Variants in NBAS observed in about 807,000 individuals in gnomAD.
NBAS encodes NAG/BC035112 fusion.
NBAS carries 219 observed loss-of-function variants against 302.5 expected under a neutral mutation model. The ratio of observed to expected loss-of-function variants is 0.72; its 90% CI spans 0.65 to 0.81. The LOEUF is 0.81. Ranked by LOEUF, NBAS falls within the 30% of genes least tolerant of loss-of-function variation. The pLI is 0.00. For missense variants in NBAS, 2,932 were observed against 2,841.6 expected, an observed-to-expected ratio of 1.03 and a Z score of -0.72; for synonymous variants, 1,118 against 1,021.6, an observed-to-expected ratio of 1.09 and a Z score of -1.80.
the NBAS span, among the ~76,000 whole-genome samples, chr2:14,882,071 C>T: frequency 6.6e-6 from 1 of 152,134 alleles, no homozygotes; most frequent in Non-Finnish European, 1.5e-5. Context: ...TGGATTATTA[C>T]TCTCTCCATT....
intron 48 of NBAS, among the ~76,000 whole-genome samples, chr2:15,206,677 G>C (rs865975554): frequency 6.6e-6 from 1 of 152,186 alleles, no homozygotes; most frequent in African/African-American, 2.4e-5. Flanking sequence ...AGCCACTCAG[G>C]CTCCAGCTGT....
At position 15,460,782 on chromosome 2, in the gene NBAS, G is replaced by T. The variant is rs114924231; in HGVS notation, c.2339+419C>A. 6.1e-3 allele frequency among the ~76,000 whole-genome samples: 929 copies of T among 152,302 alleles called. 11 individuals are homozygous for T. Among genetic ancestry groups the T allele is most frequent in the African/African-American group, 0.02 (831 of 41,572 alleles). ...TTTCCCATTTGTCTTTGTGCCTGTGGAATTTCCTATGAAGAAAGGGTTGCT... is the reference window on the plus strand; with the variant it reads ...TTTCCCATTTGTCTTTGTGCCTGTGTAATTTCCTATGAAGAAAGGGTTGCT... On this transcript the variant is annotated intron_variant, in intron 21 of 51. Coordinates refer to ENST00000281513, the MANE Select transcript of NBAS (RefSeq NM_015909.4).
At chr2:15,353,808 C>T (rs1200687563) in intron 33 of NBAS, 98 bp from the exon 34 acceptor site, 2 of 1,451,248 alleles carry the variant, frequency 1.4e-6, no homozygotes, top group African/African-American at 2.8e-5. Flanking sequence ...TCTTGTGGTA[C>T]CAAAGCAAAA....
the NBAS span, among the ~76,000 whole-genome samples, chr2:15,139,951 GA>G: frequency 6.6e-6 from 1 of 152,162 alleles, no homozygotes; most frequent in Non-Finnish European, 1.5e-5. Context: ...TCTTCCCACA[GA>G]GAGGTGAAGT....
chr2:14,808,467 C>G, the NBAS span, among the ~76,000 whole-genome samples: 1 of 152,164 alleles, frequency 6.6e-6, no homozygotes, highest in African/African-American at 2.4e-5. Flanking sequence ...CCATCCTATT[C>G]TCATGATAGT....
intron 48 of NBAS, among the ~76,000 whole-genome samples, chr2:15,213,523 T>C (rs1305592408): frequency 1.3e-5 from 2 of 152,202 alleles, no homozygotes; most frequent in African/African-American, 4.8e-5. Context: ...TCCAATGCTA[T>C]TCAAATATCA....
the NBAS span, among the ~76,000 whole-genome samples, chr2:14,812,160 G>T: frequency 1.3e-5 from 2 of 152,188 alleles, no homozygotes; most frequent in Non-Finnish European, 2.9e-5. Flanking sequence ...AGGGGCCTCA[G>T]CTTCCTGGAG....
chr2:15,517,015 T>A (rs969374425), intron 9 of NBAS, among the ~76,000 whole-genome samples: 6 of 152,112 alleles, frequency 3.9e-5, no homozygotes, highest in African/African-American at 1.4e-4. Flanking sequence ...CTTGACAATA[T>A]CAAATAAATG....
the NBAS span, among the ~76,000 whole-genome samples, chr2:14,913,684 C>T: frequency 2.6e-5 from 4 of 152,072 alleles, no homozygotes; most frequent in Non-Finnish European, 5.9e-5. Context: ...GGGCAAAGGG[C>T]ATCAGGCAGG....
At chr2:15,461,443 G>T in intron 20 of NBAS, 106 bp from the exon 21 acceptor site, 1 of 1,153,116 alleles carries the variant, frequency 8.7e-7, no homozygotes, top group Non-Finnish European at 1.3e-6. Flanking sequence ...GCTCTGATAT[G>T]AAACACCTTG....
intron 25 of NBAS, among the ~76,000 whole-genome samples, chr2:15,407,841 C>T (rs1475356925): frequency 2.6e-5 from 4 of 152,162 alleles, no homozygotes; most frequent in Non-Finnish European, 4.4e-5. Context: ...CCAAAATGGA[C>T]CTGACTGAGC....
chr2:15,435,594 T>C (rs536814204), intron 21 of NBAS, among the ~76,000 whole-genome samples: 2 of 152,314 alleles, frequency 1.3e-5, no homozygotes, highest in Admixed American at 1.3e-4. Flanking sequence ...CAGCTGGAAT[T>C]TGAACCCAGG....
chr2:15,476,908 G>C (rs925369414), intron 13 of NBAS, among the ~76,000 whole-genome samples: 2 of 152,152 alleles, frequency 1.3e-5, no homozygotes, highest in Non-Finnish European at 2.9e-5. Context: ...TAAGAAGAGA[G>C]AGATTTTAAA....
At position 15,504,164 on chromosome 2, in the gene NBAS, C is replaced by A. The variant is rs773392215; in HGVS notation, c.935G>T (p.Ser312Ile). 1 of 1,613,516 alleles carries A rather than the reference C, an allele frequency of 6.2e-7. No individual in the cohort carries two copies. The highest frequency in any genetic ancestry group is 1.1e-5 in the South Asian group (1 of 91,070). ...TGTTACCTGTTCTTGTCCCTGGCGA[C>A]TGTAAAACTTGACACTTAACATCCT... ...LLRMLSVKFYSRQGQEQDGIF... is the reference protein window; with the variant it reads ...LLRMLSVKFYIRQGQEQDGIF... The change falls in exon 11 of 52, where the codon AGT (serine) becomes ATT (isoleucine). Residue 312 changes from serine to isoleucine, a missense_variant. Physicochemically the swap from Ser to Ile is moderately radical, Grantham distance 142. Coordinates refer to ENST00000281513, the MANE Select transcript of NBAS (RefSeq NM_015909.4).
intron 34 of NBAS, among the ~76,000 whole-genome samples, chr2:15,353,096 C>A (rs1217792439): frequency 6.6e-6 from 1 of 152,146 alleles, no homozygotes; most frequent in African/African-American, 2.4e-5. Context: ...GGGGCACTAT[C>A]CTCTCCTATG....
rs73915368 is a variant in NBAS at position 15,540,701 on chromosome 2, A to G, written c.380-1345T>C. ...ACGACAACCTGGCAAATGAGCAAAT[A>G]TATGCCTTTTGTTTTGTTTTGTTTT... is the stretch of plus-strand genomic sequence containing the variant. On this transcript the variant is annotated intron_variant, in intron 6 of 51. Transcript: ENST00000281513. Among the ~76,000 whole-genome samples, 655 of 147,064 alleles carry G rather than the reference A, an allele frequency of 4.5e-3. 5 individuals carry two copies. Among genetic ancestry groups the G allele is most frequent in the African/African-American group, 0.016 (619 of 39,650 alleles).
chr2:15,210,912 C>A (rs1666377709), intron 48 of NBAS, among the ~76,000 whole-genome samples: 1 of 151,634 alleles, frequency 6.6e-6, no homozygotes, highest in Non-Finnish European at 1.5e-5. Context: ...TTTGTGGGAG[C>A]CAAATATTAA....
chr2:14,889,000 G>A, the NBAS span, among the ~76,000 whole-genome samples: 8 of 152,118 alleles, frequency 5.3e-5, no homozygotes, highest in African/African-American at 7.2e-5. Context: ...TCCTCTGTTC[G>A]GAACTCCCTT....
chr2:15,165,117 T>G (rs1663982794), downstream of NBAS, among the ~76,000 whole-genome samples: 2 of 152,270 alleles, frequency 1.3e-5, no homozygotes. Flanking sequence ...TCAGGAGGGA[T>G]TCTGTTATAA....
Sources: gnomAD v4.1 joint callset for allele counts (sites outside exome capture counted in the v4.1 genomes callset) on GRCh38, gnomAD v4.1.1 for gene constraint, MANE v1.5 for transcripts, NCBI Gene and HGNC (gene_info 2026-07-23, HGNC 2026-07-21) for gene names.